Variants in CNTN1 observed in about 807,000 individuals in gnomAD.
CNTN1 encodes the protein contactin 1.
CNTN1 carries 38 observed loss-of-function variants against 126.4 expected under a neutral mutation model. The observed-to-expected ratio is 0.30, with a 90% CI of 0.23 to 0.39. The LOEUF (loss-of-function observed/expected upper bound fraction) is 0.39, where lower values mean the gene tolerates loss of function less well. CNTN1 is among the 10% of genes least tolerant of loss of function. CNTN1 has a pLI of 1.00. For missense variants in CNTN1, 1,009 were observed against 1,248.4 expected, an observed-to-expected ratio of 0.81 and a Z score of 2.89; for synonymous variants, 413 against 422.6, an observed-to-expected ratio of 0.98 and a Z score of 0.28.
chr12:40,961,383 C>T (rs1357687275), intron 15 of CNTN1, among the ~76,000 whole-genome samples: 3 of 151,796 alleles, frequency 2.0e-5, no homozygotes, highest in African/African-American at 7.3e-5. Flanking sequence ...TTCTAATATG[C>T]TTTATATATT....
chr12:40,705,865 A>T (rs1163685486), intron 1 of CNTN1, among the ~76,000 whole-genome samples: 1 of 152,182 alleles, frequency 6.6e-6, no homozygotes, highest in East Asian at 1.9e-4. Flanking sequence ...TGGCAGGAGC[A>T]GGATCAAGAG....
chr12:40,813,817 T>C (rs1229905357), intron 1 of CNTN1, among the ~76,000 whole-genome samples: 1 of 152,190 alleles, frequency 6.6e-6, no homozygotes, highest in Non-Finnish European at 1.5e-5. Context: ...ACCAACAGTG[T>C]AAAAATATTT....
intron 1 of CNTN1, among the ~76,000 whole-genome samples, chr12:40,760,207 T>C (rs1256861349): frequency 6.6e-6 from 1 of 152,176 alleles, no homozygotes; most frequent in Non-Finnish European, 1.5e-5. Context: ...ATTTTGAATA[T>C]AAAATATATT....
intron 14 of CNTN1, among the ~76,000 whole-genome samples, chr12:40,949,417 T>TCCC (rs1566017722): frequency 1.5e-4 from 15 of 100,156 alleles, no homozygotes; most frequent in South Asian, 3.7e-4. Context: ...ATGCTATCCC[T>TCCC]ACCCCCCCTC....
intron 23 of CNTN1, among the ~76,000 whole-genome samples, chr12:41,035,599 T>G (rs1391273095): frequency 6.6e-6 from 1 of 151,996 alleles, no homozygotes; most frequent in East Asian, 1.9e-4. Context: ...GAAAAATGAG[T>G]GGCTCTTTAT....
chr12:40,882,924 G>A (rs1014661043), intron 1 of CNTN1, among the ~76,000 whole-genome samples: 6 of 151,412 alleles, frequency 4.0e-5, no homozygotes, highest in African/African-American at 7.3e-5. Context: ...TATCTGAACT[G>A]TACATTTGAC....
chr12:41,018,696 ATGTG>A (rs150221206), intron 19 of CNTN1, among the ~76,000 whole-genome samples: 2 of 149,794 alleles, frequency 1.3e-5, no homozygotes, highest in Non-Finnish European at 3.0e-5. Flanking sequence ...ATTTTAATAT[ATGTG>A]TGTGTGTGTG....
intron 1 of CNTN1, among the ~76,000 whole-genome samples, chr12:40,787,719 A>G (rs1201124198): frequency 2.6e-5 from 4 of 152,184 alleles, no homozygotes; most frequent in African/African-American, 4.8e-5. Flanking sequence ...TAAAGCAAAC[A>G]TAAGCTTTAT....
intron 16 of CNTN1, 107 bp from the exon 17 acceptor site, chr12:40,993,013 C>A: frequency 1.0e-6 from 1 of 976,110 alleles, no homozygotes. Context: ...TACTTCAACT[C>A]AGTGTAATAT....
At chr12:40,819,975 T>C (rs1412166567) in intron 1 of CNTN1, among the ~76,000 whole-genome samples, 1 of 152,228 alleles carries the variant, frequency 6.6e-6, no homozygotes, top group East Asian at 1.9e-4. Context: ...CTTCTCTCCG[T>C]GGGTCATGCC....
At chr12:40,906,584 T>C (rs1944825171) in intron 1 of CNTN1, among the ~76,000 whole-genome samples, 1 of 152,108 alleles carries the variant, frequency 6.6e-6, no homozygotes, top group East Asian at 1.9e-4. Context: ...AGTAGGATTT[T>C]AATGTTGCTG....
intron 23 of CNTN1, among the ~76,000 whole-genome samples, chr12:41,041,971 T>C (rs1949424818): frequency 6.6e-6 from 1 of 152,166 alleles, no homozygotes; most frequent in African/African-American, 2.4e-5. Context: ...TTGAATATGT[T>C]TGCTCTTGCT....
intron 1 of CNTN1, among the ~76,000 whole-genome samples, chr12:40,838,683 T>C (rs766902388): frequency 2.0e-5 from 3 of 152,166 alleles, no homozygotes; most frequent in Non-Finnish European, 2.9e-5. Flanking sequence ...ATGCTGTATG[T>C]AGCAAAAGAA....
chr12:40,831,974 T>C (rs7958928), intron 1 of CNTN1, among the ~76,000 whole-genome samples: 67,420 of 151,944 alleles, frequency 0.44, 15,245 homozygotes, highest in East Asian at 0.68. Context: ...GAAGAATATG[T>C]ATAAAAGTAT....
At chr12:41,033,458 ATATT>A (rs1949188529) in intron 23 of CNTN1, among the ~76,000 whole-genome samples, 1 of 152,180 alleles carries the variant, frequency 6.6e-6, no homozygotes, top group Non-Finnish European at 1.5e-5. Flanking sequence ...AGAGAAGCAC[ATATT>A]TAATTATTTG....
intron 1 of CNTN1, among the ~76,000 whole-genome samples, chr12:40,734,315 G>A (rs1457977432): frequency 6.6e-6 from 1 of 152,080 alleles, no homozygotes; most frequent in African/African-American, 2.4e-5. Flanking sequence ...GTTGACTTGA[G>A]GGTTCCACAT....
intron 16 of CNTN1, among the ~76,000 whole-genome samples, chr12:40,989,343 A>G (rs1948045536): frequency 6.6e-6 from 1 of 152,242 alleles, no homozygotes; most frequent in African/African-American, 2.4e-5. Context: ...AAGTAAAACC[A>G]TGTTTTTAAA....
At position 40,917,066 on chromosome 12, in the gene CNTN1, G is replaced by GC. The variant is rs1945272417; in HGVS notation, c.95-1573_95-1572insC. On this transcript the variant is annotated intron_variant, in intron 3 of 23. Coordinates refer to ENST00000551295, the MANE Select transcript of CNTN1 (RefSeq NM_001843.4). ...CTTCATACCAGTGGTGGGGGCGGGG[G>GC]GGGGGGCAGAACTAACTTGAGGATT... 3.0e-5 allele frequency among the ~76,000 whole-genome samples: 3 copies of GC among 100,902 alleles called. No homozygotes were observed. In the South Asian group the frequency reaches 1.2e-3, roughly 41 times the overall value. 66.2% of individuals were successfully genotyped at this position (100,902 alleles called of 152,430 possible). A position where few individuals can be genotyped will look rare whatever the true frequency, so the allele number is the denominator to read the frequency against.
At chr12:40,718,523 C>A (rs1204477914) in intron 1 of CNTN1, among the ~76,000 whole-genome samples, 1 of 152,084 alleles carries the variant, frequency 6.6e-6, no homozygotes, top group African/African-American at 2.4e-5. Context: ...GGCTTCCAGT[C>A]AACACTGGGG....
Sources: allele counts gnomAD v4.1 joint callset (sites outside exome capture counted in the v4.1 genomes callset), GRCh38; gene constraint gnomAD v4.1.1; transcripts MANE v1.5; gene names NCBI Gene and HGNC (gene_info 2026-07-23, HGNC 2026-07-21).